C9orf43: variants seen among roughly 807,000 people sequenced by gnomAD.
The protein encoded by C9orf43 is uncharacterized protein C9orf43.
A neutral mutation model predicts 59.1 loss-of-function variants in C9orf43; 45 were observed. The ratio of observed to expected loss-of-function variants is 0.76; its 90% CI spans 0.60 to 0.98. The LOEUF (loss-of-function observed/expected upper bound fraction) is 0.98, where lower values mean the gene tolerates loss of function less well. Among genes scored for constraint, C9orf43 ranks in the 50% least tolerant of loss-of-function variants. C9orf43 has a pLI of 0.00. For synonymous variants in C9orf43, 203 were observed against 196.8 expected, an observed-to-expected ratio of 1.03 and a Z score of -0.26; for missense variants, 533 against 554.9, an observed-to-expected ratio of 0.96 and a Z score of 0.40.
intron 8 of C9orf43, among the ~76,000 whole-genome samples, chr9:113,424,520 C>CTT (rs567805386): frequency 2.0e-4 from 28 of 139,628 alleles, no homozygotes; most frequent in Non-Finnish European, 3.3e-4. Context: ...CTATTTCTTT[C>CTT]TTTTTTTTTT....
rs1259915358 is a variant in C9orf43 at position 113,425,017 on chromosome 9, A to G, written c.808-2A>G. Reference sequence around the variant, plus strand: ...TTTTCTTTTTCTTTTTTCTTTCTCCAGAGACCAGCACTGCGATATCCTGAA... The same window carrying G: ...TTTTCTTTTTCTTTTTTCTTTCTCCGGAGACCAGCACTGCGATATCCTGAA... On this transcript the variant is annotated splice_acceptor_variant, in intron 8 of 13. Coordinates refer to ENST00000374165, the MANE Select transcript of C9orf43 (RefSeq NM_001278629.2). LOFTEE classifies it high-confidence loss of function. 1.2e-6 allele frequency: 2 copies of G among 1,610,724 alleles called. No homozygotes were observed. Among genetic ancestry groups the G allele is most frequent in the Non-Finnish European group, 1.7e-6 (2 of 1,179,746 alleles).
intron 1 of C9orf43, among the ~76,000 whole-genome samples, chr9:113,411,368 G>A (rs563604427): frequency 6.7e-6 from 1 of 149,804 alleles, no homozygotes; most frequent in Non-Finnish European, 1.5e-5. Flanking sequence ...CGCCGATTTC[G>A]GCTCACTGCA....
At position 113,414,848 on chromosome 9, in the gene C9orf43, C is replaced by A. The variant is rs553991822; in HGVS notation, c.287+954C>A. On this transcript the variant is annotated intron_variant, in intron 3 of 13. Transcript: ENST00000374165. ...ACAGAAAACCATCCATATATGCCAT[C>A]TTTCTTTTTTCTTTTTTGAGACAGA... is the stretch of plus-strand genomic sequence containing the variant. Among the ~76,000 whole-genome samples, 169 of 152,202 alleles carry A rather than the reference C, an allele frequency of 1.1e-3. 1 individual carries two copies. Among genetic ancestry groups the A allele is most frequent in the African/African-American group, 3.8e-3 (159 of 41,516 alleles).
chr9:113,427,403 C>T (rs961285303), intron 11 of C9orf43, among the ~76,000 whole-genome samples: 2 of 152,176 alleles, frequency 1.3e-5, no homozygotes, highest in African/African-American at 4.8e-5. Context: ...TCTCGAACTC[C>T]CAACCTCAGG....
Position 113,429,068 on chromosome 9 carries a change from TCTCAGAGAAGTCCTAAAAACAC to T in C9orf43, c.1172-102_1172-81del. ...CCTCCCTGAAGGCACAGTTCCTCTA[TCTCAGAGAAGTCCTAAAAACAC>T]CCCATTTTTCCTTTTCTGTCCTCCA... On this transcript the variant is annotated intron_variant, in intron 13 of 13. Transcript: ENST00000374165. The T allele has an allele frequency of 3.4e-6, 5 of 1,491,086 alleles. No homozygotes were observed. The South Asian group carries it at 4.5e-5, about 14-fold the overall frequency. The allele number at this position is 1,491,086 out of a possible 1,614,324, so 92.4% of individuals were successfully genotyped here. A position where few individuals can be genotyped will look rare whatever the true frequency, so the allele number is the denominator to read the frequency against.
chr9:113,428,070 A>AG, intron 11 of C9orf43, 77 bp from the exon 12 acceptor site: 2 of 1,405,228 alleles, frequency 1.4e-6, no homozygotes, highest in Non-Finnish European at 2.0e-6. Context: ...CTTGTAGACT[A>AG]GGGGTCACCT....
chr9:113,421,679 C>T (rs747415605), intron 5 of C9orf43, among the ~76,000 whole-genome samples: 6 of 152,116 alleles, frequency 3.9e-5, no homozygotes, highest in Non-Finnish European at 8.8e-5. Flanking sequence ...ATATTGACAA[C>T]CATGGGGAAA....
In C9orf43 at chr9:113,418,282, G is replaced by T. The variant is rs113595981; in HGVS notation, c.288-826G>T. The stretch of plus-strand genomic sequence containing the variant: ...TTCTATTTTCTGTCTTTATGAACTT[G>T]CCTGTTCTAAATACCTCATGTAAGT... On this transcript the variant is annotated intron_variant, in intron 3 of 13. Coordinates refer to ENST00000374165, the MANE Select transcript of C9orf43 (RefSeq NM_001278629.2). 3.4e-3 allele frequency among the ~76,000 whole-genome samples: 514 copies of T among 152,168 alleles called. 3 individuals carry two copies. Among genetic ancestry groups the T allele is most frequent in the African/African-American group, 0.012 (490 of 41,496 alleles).
chr9:113,417,376 A>G lies in C9orf43; in HGVS notation c.288-1732A>G, dbSNP rs181025333. On this transcript the variant is annotated intron_variant, in intron 3 of 13. Transcript: ENST00000374165. ...TCCAACTGGATTTTAGGCCCTTTGA[A>G]AGCAGGGACCATGACATTTGTTTAG... is the stretch of plus-strand genomic sequence containing the variant. 7.5e-4 allele frequency among the ~76,000 whole-genome samples: 114 copies of G among 152,250 alleles called. 1 individual carries two copies. Among genetic ancestry groups the G allele is most frequent in the African/African-American group, 2.7e-3 (112 of 41,548 alleles).
chr9:113,429,127 TGAGAG>T, intron 13 of C9orf43, 40 bp from the exon 14 acceptor site: 1 of 1,583,880 alleles, frequency 6.3e-7, no homozygotes, highest in Non-Finnish European at 8.7e-7. Context: ...TTGTTGTAGT[TGAGAG>T]GAGTTTACAG....
At chr9:113,426,344 A>G (rs571602150) in intron 11 of C9orf43, among the ~76,000 whole-genome samples, 1 of 152,310 alleles carries the variant, frequency 6.6e-6, no homozygotes, top group South Asian at 2.1e-4. Context: ...GTCTGAGCTC[A>G]GGCATATACT....
At chr9:113,419,217 G>C (rs1828483194) in intron 4 of C9orf43, 52 bp downstream of exon 4, 2 of 1,332,230 alleles carry the variant, frequency 1.5e-6, no homozygotes, top group Non-Finnish European at 2.1e-6. Context: ...TTTACTAGTG[G>C]AAATAAACTA....
At chr9:113,426,168 C>T (rs982420859) in intron 11 of C9orf43, among the ~76,000 whole-genome samples, 5 of 152,162 alleles carry the variant, frequency 3.3e-5, no homozygotes, top group Admixed American at 6.5e-5. Context: ...GCCCCCTAAC[C>T]TTCCTGCCAC....
chr9:113,423,259 A>G, intron 6 of C9orf43, 67 bp from the exon 7 acceptor site: 1 of 1,510,216 alleles, frequency 6.6e-7, no homozygotes, highest in Non-Finnish European at 9.1e-7. Context: ...AGAGGCTAGA[A>G]TGTTGATGGA....
In C9orf43 at chr9:113,424,301, C is replaced by T. The variant is rs767916368; in HGVS notation, c.792C>T (p.His264=). The change falls in exon 8 of 14, where the codon CAC becomes CAT. Residue 264 remains histidine, a synonymous_variant. Transcript: ENST00000374165. Reference sequence around the variant, plus strand: ...CTTCTAAGATGTTTCTATCTATACACCGCCTCACCCTGGAAGTAAGAGCTA... The same window carrying T: ...CTTCTAAGATGTTTCTATCTATACATCGCCTCACCCTGGAAGTAAGAGCTA... The part of the protein sequence containing the change: ...VISSKMFLSI[H]RLTLERPALR... 6 of 1,609,188 alleles carry T rather than the reference C, an allele frequency of 3.7e-6. No individual in the cohort carries two copies. In the African/African-American group the frequency reaches 5.4e-5, roughly 14 times the overall value.
chr9:113,428,051 G>T, intron 11 of C9orf43, 96 bp from the exon 12 acceptor site: 2 of 1,171,284 alleles, frequency 1.7e-6, no homozygotes, highest in Non-Finnish European at 2.6e-6. Context: ...TTTCCTGGAT[G>T]CAGAGTCACT....
Position 113,428,210 on chromosome 9 carries a change from C to T in C9orf43, c.1094C>T (p.Thr365Ile), listed in dbSNP as rs778569194. ...MKQQQQMEKG[T>I]TSKQDSTERP... ...CAGCAGCAGCAGATGGAAAAAGGAACCACTTCGAAACAGGTGAGAGTGTAC... is the reference window on the plus strand; with the variant it reads ...CAGCAGCAGCAGATGGAAAAAGGAATCACTTCGAAACAGGTGAGAGTGTAC... The change falls in exon 12 of 14, where the codon ACC becomes ATC. Residue 365 changes from threonine (T) to isoleucine (I), a missense_variant. Thr to Ile is a moderately conservative substitution (Grantham distance 89). Coordinates refer to ENST00000374165, the MANE Select transcript of C9orf43 (RefSeq NM_001278629.2). 1.9e-6 allele frequency: 3 copies of T among 1,614,172 alleles called. No homozygotes were observed. In the South Asian group the frequency reaches 3.3e-5, roughly 18 times the overall value.
chr9:113,420,831 A>T, intron 4 of C9orf43: 1 of 975,404 alleles, frequency 1.0e-6, no homozygotes, highest in South Asian at 4.7e-5. Context: ...GCACCCTCAT[A>T]TGGGATTGGA....
intron 5 of C9orf43, 59 bp downstream of exon 5, chr9:113,421,262 G>A: frequency 7.9e-7 from 1 of 1,271,828 alleles, no homozygotes; most frequent in Admixed American, 1.7e-5. Context: ...GATGTCTTCT[G>A]CAGCGTCCTT....
Sources: gnomAD v4.1 joint callset for allele counts (sites outside exome capture counted in the v4.1 genomes callset) on GRCh38, gnomAD v4.1.1 for gene constraint, MANE v1.5 for transcripts, NCBI Gene and HGNC (gene_info 2026-07-23, HGNC 2026-07-21) for gene names.